ZSCAN25: variants seen among roughly 807,000 people sequenced by gnomAD.
ZSCAN25 encodes the protein zinc finger and SCAN domain-containing protein 25.
A neutral mutation model predicts 38.7 loss-of-function variants in ZSCAN25; 27 were observed. That is an observed-to-expected ratio of 0.70 (90% CI 0.51 to 0.96). The LOEUF is 0.96. Ranked by LOEUF, ZSCAN25 falls within the 40% of genes least tolerant of loss-of-function variation. The pLI is 0.00. For synonymous variants in ZSCAN25, 273 were observed against 277.7 expected, an observed-to-expected ratio of 0.98 and a Z score of 0.17; for missense variants, 637 against 705.9, an observed-to-expected ratio of 0.90 and a Z score of 1.11.
the ZSCAN25 span, chr7:99,638,533 T>G: frequency 6.6e-6 from 10 of 1,509,320 alleles, no homozygotes; most frequent in Middle Eastern, 1.7e-4. Context: ...TGGGTCCCAG[T>G]GTAGTTATGC....
At chr7:99,692,661 A>G in the ZSCAN25 span, among the ~76,000 whole-genome samples, 1 of 151,986 alleles carries the variant, frequency 6.6e-6, no homozygotes, top group African/African-American at 2.4e-5. Context: ...TTGATCACTG[A>G]TATCCTTTCT....
chr7:99,696,319 A>G, the ZSCAN25 span, among the ~76,000 whole-genome samples: 1 of 151,520 alleles, frequency 6.6e-6, no homozygotes. Flanking sequence ...CTGAGAGCCT[A>G]TGGTGACCAT....
At chr7:99,659,405 C>T in the ZSCAN25 span, 1 of 155,226 alleles carries the variant, frequency 6.4e-6, no homozygotes, top group Non-Finnish European at 1.4e-5. Context: ...TGGTGACCCG[C>T]AAATGCTGCT....
At chr7:99,619,326 A>G (rs1806728717) in intron 3 of ZSCAN25, among the ~76,000 whole-genome samples, 194 bp downstream of exon 3, 2 of 152,210 alleles carry the variant, frequency 1.3e-5, no homozygotes, top group Admixed American at 1.3e-4. Context: ...GTGAGATCCT[A>G]AGTTATTTGT....
chr7:99,688,613 C>T, the ZSCAN25 span, among the ~76,000 whole-genome samples: 5 of 151,978 alleles, frequency 3.3e-5, no homozygotes, highest in East Asian at 5.8e-4. Context: ...GACAGATCAA[C>T]GAGACCAAAA....
chr7:99,736,181 T>G, the ZSCAN25 span, among the ~76,000 whole-genome samples: 1 of 152,212 alleles, frequency 6.6e-6, no homozygotes, highest in Admixed American at 6.5e-5. Context: ...TGGCCCCTTC[T>G]CTCTGGAAAT....
the ZSCAN25 span, chr7:99,717,375 A>T: frequency 6.2e-7 from 1 of 1,600,574 alleles, no homozygotes; most frequent in Admixed American, 1.7e-5. Flanking sequence ...AATGAATTTT[A>T]TGATGTGTTT....
At chr7:99,713,463 T>C in the ZSCAN25 span, 3 of 1,613,398 alleles carry the variant, frequency 1.9e-6, no homozygotes, top group East Asian at 2.2e-5. Flanking sequence ...AGCACTCTTT[T>C]GTTACCTTTG....
the ZSCAN25 span, chr7:99,680,063 A>G: frequency 7.9e-6 from 5 of 632,090 alleles, no homozygotes; most frequent in East Asian, 1.1e-4. Context: ...GCTGCAGCCA[A>G]TAGCAAAGAA....
At chr7:99,628,667 A>C (rs58443342) in intron 7 of ZSCAN25, among the ~76,000 whole-genome samples, 3,831 of 152,278 alleles carry the variant, frequency 0.025, 166 homozygotes, top group African/African-American at 0.088. Flanking sequence ...CAGATGAATG[A>C]ACCTGGTTAG....
the ZSCAN25 span, among the ~76,000 whole-genome samples, chr7:99,732,221 C>G: frequency 6.6e-6 from 1 of 152,302 alleles, no homozygotes; most frequent in Non-Finnish European, 1.5e-5. Flanking sequence ...CCCACCCTCT[C>G]TTGCTTCTGC....
At chr7:99,722,507 A>G in the ZSCAN25 span, among the ~76,000 whole-genome samples, 4,382 of 152,290 alleles carry the variant, frequency 0.029, 239 homozygotes, top group African/African-American at 0.1. Context: ...AACAAAATAG[A>G]GGAGGTATTT....
the ZSCAN25 span, chr7:99,648,117 AC>A: frequency 4.0e-6 from 5 of 1,248,038 alleles, no homozygotes; most frequent in Non-Finnish European, 5.0e-6. Context: ...CCTCCTTTAT[AC>A]TACATAATGC....
chr7:99,618,893 A>C (rs766480845), intron 2 of ZSCAN25, among the ~76,000 whole-genome samples, 155 bp from the exon 3 acceptor site: 23 of 152,196 alleles, frequency 1.5e-4, no homozygotes, highest in Non-Finnish European at 3.2e-4. Flanking sequence ...GGACACCCAG[A>C]GTAATTTCTT....
chr7:99,721,534 G>A, the ZSCAN25 span, among the ~76,000 whole-genome samples: 115,924 of 152,126 alleles, frequency 0.76, 47,137 homozygotes, highest in Non-Finnish European at 0.91. Flanking sequence ...AAAAAGAAGA[G>A]GGGAATAGGC....
At chr7:99,669,039 T>C in the ZSCAN25 span, among the ~76,000 whole-genome samples, 19 of 152,342 alleles carry the variant, frequency 1.2e-4, no homozygotes, top group African/African-American at 4.3e-4. Flanking sequence ...TATCTGTTAA[T>C]TTCCATAATA....
the ZSCAN25 span, chr7:99,666,975 AG>A: frequency 1.7e-5 from 27 of 1,613,920 alleles, no homozygotes; most frequent in Admixed American, 1.5e-4. Flanking sequence ...CCGCTGGTGA[AG>A]GTTGGAGACA....
At chr7:99,725,281 A>G in the ZSCAN25 span, among the ~76,000 whole-genome samples, 5 of 152,156 alleles carry the variant, frequency 3.3e-5, no homozygotes, top group Admixed American at 2.6e-4. Context: ...TTATGACCCA[A>G]TCCTCTCCTG....
the ZSCAN25 span, among the ~76,000 whole-genome samples, chr7:99,664,352 A>G: frequency 6.6e-6 from 1 of 152,212 alleles, no homozygotes; most frequent in Non-Finnish European, 1.5e-5. Flanking sequence ...ATAGAATTAA[A>G]TTCCCTGACC....
Sources: allele counts gnomAD v4.1 joint callset (sites outside exome capture counted in the v4.1 genomes callset), GRCh38; gene constraint gnomAD v4.1.1; transcripts MANE v1.5; gene names NCBI Gene and HGNC (gene_info 2026-07-23, HGNC 2026-07-21).